PATJ: variants seen among roughly 807,000 people sequenced by gnomAD.
PATJ encodes inaD-like protein.
In PATJ, 190 loss-of-function variants were observed where a neutral mutation model predicts 224.9. The ratio of observed to expected loss-of-function variants is 0.84; its 90% CI spans 0.75 to 0.95. The LOEUF is 0.95. PATJ is among the 40% of genes least tolerant of loss of function. PATJ has a pLI of 0.00. For synonymous variants in PATJ, 769 were observed against 820.3 expected (o/e 0.94, Z 1.07); for missense variants, 2,121 against 2,270.3 (o/e 0.93, Z 1.34).
chr1:61,993,816 C>T (rs1645201474), intron 28 of PATJ, among the ~76,000 whole-genome samples: 1 of 152,166 alleles, frequency 6.6e-6, no homozygotes, highest in Non-Finnish European at 1.5e-5. Context: ...AACAGACTTC[C>T]ACTCCCTTAG....
At chr1:61,944,027 TAACA>T (rs1366421493) in intron 27 of PATJ, among the ~76,000 whole-genome samples, 1 of 152,028 alleles carries the variant, frequency 6.6e-6, no homozygotes, top group African/African-American at 2.4e-5. Context: ...GAAGGAAAAC[TAACA>T]AACAGAAAGG....
intron 21 of PATJ, among the ~76,000 whole-genome samples, chr1:61,878,611 A>C (rs961848027): frequency 2.0e-5 from 3 of 151,976 alleles, no homozygotes; most frequent in Non-Finnish European, 4.4e-5. Flanking sequence ...TGGGAGGCCA[A>C]GGCAGGAGGA....
chr1:62,038,106 T>G, intron 30 of PATJ, 57 bp downstream of exon 30: 1 of 1,069,692 alleles, frequency 9.3e-7, no homozygotes, highest in Non-Finnish European at 1.4e-6. Context: ...ATGAGCATTT[T>G]CCCCCAATCT....
chr1:61,860,532 G>C (rs1176001845), intron 18 of PATJ, among the ~76,000 whole-genome samples: 2 of 152,042 alleles, frequency 1.3e-5, no homozygotes, highest in Non-Finnish European at 2.9e-5. Flanking sequence ...TCATCTGTAA[G>C]ATGAGGATTG....
At chr1:62,100,413 G>A (rs889471258) in intron 33 of PATJ, 16 of 718,136 alleles carry the variant, frequency 2.2e-5, no homozygotes, top group South Asian at 5.9e-5. Context: ...GGGCAAGTGA[G>A]CACATGAGGC....
chr1:62,124,239 C>T (rs1225467072), intron 39 of PATJ, among the ~76,000 whole-genome samples: 3 of 152,032 alleles, frequency 2.0e-5, no homozygotes, highest in Non-Finnish European at 2.9e-5. Context: ...CACACCACCA[C>T]GCCCGGCTAA....
intron 25 of PATJ, among the ~76,000 whole-genome samples, chr1:61,912,467 A>G (rs568467522): frequency 6.6e-6 from 1 of 151,600 alleles, no homozygotes; most frequent in South Asian, 2.1e-4. Context: ...GGTGGTTTAC[A>G]CTTGTAACCT....
chr1:62,004,963 T>C (rs12731388), intron 28 of PATJ, among the ~76,000 whole-genome samples: 22,285 of 152,208 alleles, frequency 0.15, 2,028 homozygotes, highest in Non-Finnish European at 0.21. Context: ...TTTCTTTCTA[T>C]GACAATGCAT....
At chr1:62,139,448 C>G (rs942544305) in intron 41 of PATJ, among the ~76,000 whole-genome samples, 3 of 145,040 alleles carry the variant, frequency 2.1e-5, no homozygotes, top group African/African-American at 7.7e-5. Context: ...TCATTAGACT[C>G]TTTGCCTTCC....
At position 61,894,691 on chromosome 1, in the gene PATJ, T is replaced by A. The variant is rs141411394; in HGVS notation, c.3132-4892T>A. 1.8e-3 allele frequency among the ~76,000 whole-genome samples: 281 copies of A among 152,300 alleles called. 1 individual carries two copies. The highest frequency in any genetic ancestry group is 6.6e-3 in the African/African-American group (275 of 41,572). ...ATAAATTACCCAGTCTCAGGTAGTA[T>A]CTTTATAGAGTGTGACAGTGGACTA... On this transcript the variant is annotated intron_variant, in intron 22 of 43. Transcript: ENST00000642238.
intron 27 of PATJ, among the ~76,000 whole-genome samples, chr1:61,945,782 C>T (rs1442261317): frequency 8.5e-5 from 13 of 152,202 alleles, no homozygotes; most frequent in South Asian, 2.1e-4. Flanking sequence ...AGCACCACAT[C>T]GCACTTATTC....
intron 26 of PATJ, among the ~76,000 whole-genome samples, chr1:61,915,695 CTT>C (rs1283007359): frequency 3.5e-5 from 5 of 142,292 alleles, no homozygotes; most frequent in Admixed American, 7.1e-5. Flanking sequence ...TCTTTTCTTT[CTT>C]TTTTTTTTTT....
intron 16 of PATJ, among the ~76,000 whole-genome samples, chr1:61,830,625 A>T (rs565707764): frequency 2.6e-5 from 4 of 151,788 alleles, no homozygotes; most frequent in African/African-American, 9.7e-5. Flanking sequence ...CCAACTTCAA[A>T]CTATGTAGTA....
chr1:61,929,743 G>A (rs560140979), intron 27 of PATJ, among the ~76,000 whole-genome samples: 1 of 152,142 alleles, frequency 6.6e-6, no homozygotes, highest in Non-Finnish European at 1.5e-5. Context: ...GGTACAGCTG[G>A]GCACAGTGGC....
chr1:62,013,932 CCCAGCTAATT>C (rs1433855118), intron 28 of PATJ, among the ~76,000 whole-genome samples: 2 of 152,156 alleles, frequency 1.3e-5, no homozygotes, highest in African/African-American at 4.8e-5. Flanking sequence ...TGACACGATG[CCCAGCTAATT>C]TTTGTATTTT....
At chr1:61,749,627 G>A (rs533408824) in intron 1 of PATJ, among the ~76,000 whole-genome samples, 1 of 151,978 alleles carries the variant, frequency 6.6e-6, no homozygotes, top group South Asian at 2.1e-4. Context: ...TGTTACAGTG[G>A]CTGAGCAGGA....
intron 27 of PATJ, among the ~76,000 whole-genome samples, chr1:61,975,515 A>G (rs1000093242): frequency 6.6e-6 from 1 of 151,746 alleles, no homozygotes; most frequent in Non-Finnish European, 1.5e-5. Flanking sequence ...CAGCTCTTTG[A>G]GTTCTTTTTA....
intron 34 of PATJ, among the ~76,000 whole-genome samples, chr1:62,111,863 T>C (rs1364831997): frequency 2.0e-5 from 3 of 152,062 alleles, no homozygotes; most frequent in Admixed American, 2.0e-4. Context: ...GGTTTCACTG[T>C]GTTGGCCAGG....
chr1:62,128,781 T>G, intron 40 of PATJ, 60 bp from the exon 41 acceptor site: 5 of 1,169,588 alleles, frequency 4.3e-6, no homozygotes, highest in Non-Finnish European at 6.4e-6. Context: ...ATTTTAAGCA[T>G]TCTTCTCAAA....
Sources: allele counts gnomAD v4.1 joint callset (sites outside exome capture counted in the v4.1 genomes callset), GRCh38; gene constraint gnomAD v4.1.1; transcripts MANE v1.5; gene names NCBI Gene and HGNC (gene_info 2026-07-23, HGNC 2026-07-21).